The following LEKR1 variants were observed in gnomAD, a reference collection of about 807,000 sequenced individuals.
The protein encoded by LEKR1 is protein LEKR1.
A neutral mutation model predicts 72.4 loss-of-function variants in LEKR1; 59 were observed. That is an observed-to-expected ratio of 0.82 (90% CI 0.66 to 1.01). The LOEUF (loss-of-function observed/expected upper bound fraction) is 1.01, where lower values mean the gene tolerates loss of function less well. Among genes scored for constraint, LEKR1 ranks in the 50% least tolerant of loss-of-function variants. LEKR1 has a pLI of 0.00. For missense variants in LEKR1, 728 were observed against 759.2 expected (o/e 0.96, Z 0.48); for synonymous variants, 257 against 263.2 (o/e 0.98, Z 0.23).
At chr3:156,877,863 A>G (rs1442965828) in intron 3 of LEKR1, among the ~76,000 whole-genome samples, 1 of 152,012 alleles carries the variant, frequency 6.6e-6, no homozygotes, top group African/African-American at 2.4e-5. Context: ...GCTCACTGCA[A>G]CCTCCGCCTC....
chr3:157,036,216 AAAG>A (rs1287589682), intron 12 of LEKR1, among the ~76,000 whole-genome samples: 2 of 152,216 alleles, frequency 1.3e-5, no homozygotes, highest in Non-Finnish European at 2.9e-5. Context: ...CTCAGAGAGA[AAAG>A]AGATGATATT....
At position 156,927,480 on chromosome 3, in the gene LEKR1, T is replaced by G; in HGVS notation, c.435T>G (p.Leu145=). The G allele has an allele frequency of 1.7e-6, 2 of 1,185,256 alleles. No individual in the cohort carries two copies. The highest frequency in any genetic ancestry group is 2.1e-6 in the Non-Finnish European group (2 of 930,908). The allele number at this position is 1,185,256 out of a possible 1,614,324, so 73.4% of individuals were successfully genotyped here. Residue 145 remains leucine (L), a synonymous_variant, in exon 5 of 13, where the codon CTT becomes CTG. Coordinates refer to ENST00000356539, the MANE Select transcript of LEKR1 (RefSeq NM_001004316.3). ...KYFWNKTLSL[L]TFTKRELTSI... ...TCTGGAATAAGACTCTTTCATTACT[T>G]ACTTTTACTAAAAGGGAACTAACCA...
At chr3:156,935,553 A>G (rs1434368446) in intron 5 of LEKR1, among the ~76,000 whole-genome samples, 2 of 152,340 alleles carry the variant, frequency 1.3e-5, no homozygotes, top group East Asian at 1.9e-4. Context: ...ATTTTGTAGC[A>G]TAGAATTTTA....
In LEKR1 at chr3:156,889,299, T is replaced by TG. The variant is rs1400775694; in HGVS notation, c.264-31275dup. On this transcript the variant is annotated intron_variant, in intron 3 of 12. Transcript: ENST00000356539. ...GTAAGCATGTTTTGTTTGTTGTTGC[T>TG]GAAAAAAAAAAAACCCAGCAGCAAC... Among the ~76,000 whole-genome samples, 20 of 106,468 alleles carry TG rather than the reference T, an allele frequency of 1.9e-4. No homozygotes were observed. The East Asian group carries it at 7.7e-3, about 41-fold the overall frequency. 69.8% of individuals were successfully genotyped at this position (106,468 alleles called of 152,430 possible).
chr3:156,942,260 G>C (rs1726275048), intron 5 of LEKR1, among the ~76,000 whole-genome samples: 3 of 151,706 alleles, frequency 2.0e-5, no homozygotes, highest in Admixed American at 2.0e-4. Context: ...TATTTAAAAA[G>C]CAGGCTGTAT....
At chr3:156,920,501 A>T (rs1724090169) in intron 3 of LEKR1, 74 bp from the exon 4 acceptor site, 1 of 856,862 alleles carries the variant, frequency 1.2e-6, no homozygotes, top group African/African-American at 1.8e-5. Flanking sequence ...TATTAAAAGT[A>T]AGTATATTTA....
intron 3 of LEKR1, among the ~76,000 whole-genome samples, chr3:156,912,047 A>G (rs1723165151): frequency 2.6e-5 from 4 of 151,210 alleles, no homozygotes; most frequent in South Asian, 2.1e-4. Context: ...TGATACATTG[A>G]TATATTTTGT....
At chr3:156,924,199 G>T (rs1724494305) in intron 4 of LEKR1, among the ~76,000 whole-genome samples, 1 of 152,068 alleles carries the variant, frequency 6.6e-6, no homozygotes, top group Admixed American at 6.6e-5. Flanking sequence ...TCTCATTGTA[G>T]CTTTGATTTG....
chr3:156,913,005 T>C (rs1723265097), intron 3 of LEKR1, among the ~76,000 whole-genome samples: 2 of 152,170 alleles, frequency 1.3e-5, no homozygotes, highest in Non-Finnish European at 2.9e-5. Flanking sequence ...GTGATTTCCT[T>C]CCATTTTCCT....
intron 6 of LEKR1, among the ~76,000 whole-genome samples, chr3:156,952,408 T>C (rs544456906): frequency 4.8e-4 from 73 of 151,630 alleles, no homozygotes; most frequent in African/African-American, 1.7e-3. Flanking sequence ...AAATGATAGA[T>C]TCTCATGAAA....
intron 9 of LEKR1, among the ~76,000 whole-genome samples, chr3:156,997,185 C>G (rs992287709): frequency 1.3e-5 from 2 of 152,134 alleles, no homozygotes; most frequent in African/African-American, 4.8e-5. Context: ...TATTCGGTCT[C>G]TTTTCTAGCT....
chr3:157,045,554 A>G lies in LEKR1; in HGVS notation c.1883A>G (p.Glu628Gly), dbSNP rs1028552992. 29 of 1,614,046 alleles carry G rather than the reference A, an allele frequency of 1.8e-5. No individual in the cohort carries two copies. Among genetic ancestry groups the G allele is most frequent in the African/African-American group, 2.7e-5 (2 of 74,938 alleles). The change falls in exon 13 of 13, where the codon GAA (glutamate) becomes GGA (glycine). Residue 628 changes from glutamate to glycine, a missense_variant. Coordinates refer to ENST00000356539, the MANE Select transcript of LEKR1 (RefSeq NM_001004316.3). The stretch of plus-strand genomic sequence containing the variant: ...AGAAGCCTTGCAAGACTGAACTCTG[A>G]AAAAGGAATCCAAATTCCCAACCTG... ...GERSLARLNS[E>G]KGIQIPNLRG...
At chr3:156,831,926 G>C (rs1712467260) in intron 2 of LEKR1, among the ~76,000 whole-genome samples, 1 of 152,060 alleles carries the variant, frequency 6.6e-6, no homozygotes, top group Admixed American at 6.5e-5. Flanking sequence ...TGCAAAGACA[G>C]TTTTAATCCC....
chr3:156,984,920 G>A (rs999836831), intron 7 of LEKR1, among the ~76,000 whole-genome samples: 11 of 151,618 alleles, frequency 7.3e-5, no homozygotes, highest in Non-Finnish European at 1.6e-4. Context: ...ATCTGTTCTT[G>A]GGACAGTCTC....
chr3:156,859,760 C>G (rs565847436), intron 3 of LEKR1, among the ~76,000 whole-genome samples: 1 of 151,278 alleles, frequency 6.6e-6, no homozygotes, highest in Non-Finnish European at 1.5e-5. Flanking sequence ...CCTAAAAATA[C>G]TCTGTGTTCT....
chr3:156,916,344 TTGGG>T (rs1168573188), intron 3 of LEKR1, among the ~76,000 whole-genome samples: 1 of 152,146 alleles, frequency 6.6e-6, no homozygotes, highest in Non-Finnish European at 1.5e-5. Context: ...CTAAATTGCT[TTGGG>T]TGGTATGGAC....
chr3:156,980,688 T>C (rs1403685354), intron 7 of LEKR1, among the ~76,000 whole-genome samples: 1 of 152,158 alleles, frequency 6.6e-6, no homozygotes, highest in Non-Finnish European at 1.5e-5. Flanking sequence ...GATTGCTTCT[T>C]GGAGTGAAGA....
At chr3:156,840,602 T>G (rs1713782006) in intron 2 of LEKR1, among the ~76,000 whole-genome samples, 1 of 152,254 alleles carries the variant, frequency 6.6e-6, no homozygotes. Context: ...TCAGATATGC[T>G]TTTGTCCATT....
At chr3:157,040,026 G>A (rs1174869623) in intron 12 of LEKR1, among the ~76,000 whole-genome samples, 1 of 152,134 alleles carries the variant, frequency 6.6e-6, no homozygotes, top group Admixed American at 6.5e-5. Flanking sequence ...GGCTTGGTTG[G>A]CAGGGAGGAT....
Sources: gnomAD v4.1 joint callset for allele counts (sites outside exome capture counted in the v4.1 genomes callset) on GRCh38, gnomAD v4.1.1 for gene constraint, MANE v1.5 for transcripts, NCBI Gene and HGNC (gene_info 2026-07-23, HGNC 2026-07-21) for gene names.